The following SLC30A6 variants were observed in gnomAD, a reference collection of about 807,000 sequenced individuals.
The protein encoded by SLC30A6 is zinc transporter 6.
SLC30A6 carries 55 observed loss-of-function variants against 63.0 expected under a neutral mutation model. That is an observed-to-expected ratio of 0.87 (90% CI 0.70 to 1.09). The LOEUF is 1.09. SLC30A6 is among the 50% of genes least tolerant of loss of function. The pLI is 0.00. For synonymous variants in SLC30A6, 224 were observed against 186.1 expected, an observed-to-expected ratio of 1.20 and a Z score of -1.66; for missense variants, 587 against 549.2, an observed-to-expected ratio of 1.07 and a Z score of -0.69.
At chr2:32,194,462 C>T (rs1166657301) in intron 8 of SLC30A6, among the ~76,000 whole-genome samples, 1 of 152,090 alleles carries the variant, frequency 6.6e-6, no homozygotes, top group Non-Finnish European at 1.5e-5. Context: ...TGGAAATATT[C>T]TTTTATTTTG....
chr2:32,207,742 C>T (rs2148890675), intron 12 of SLC30A6, among the ~76,000 whole-genome samples: 1 of 146,650 alleles, frequency 6.8e-6, no homozygotes, highest in African/African-American at 2.5e-5. Flanking sequence ...GCTCTGTCGC[C>T]CAGGCTGGAG....
chr2:32,187,071 T>G (rs576391630), intron 5 of SLC30A6: 2 of 400,964 alleles, frequency 5.0e-6, no homozygotes, highest in Non-Finnish European at 1.0e-5. Context: ...TTACAATTTA[T>G]GTAACCAAAC....
chr2:32,220,475 C>T lies in SLC30A6; in HGVS notation c.1148C>T (p.Pro383Leu). 6.2e-7 allele frequency: 1 copy of T among 1,614,162 alleles called. No homozygotes were observed. The highest frequency in any genetic ancestry group is 1.1e-5 in the South Asian group (1 of 91,080). The change falls in exon 14 of 14, where the codon CCA becomes CTA. Residue 383 changes from proline to leucine, a missense_variant. Transcript: ENST00000282587. Reference protein sequence around the residue: ...VTSTPAKPSSPPPEFSFNTPG... With the variant: ...VTSTPAKPSSLPPEFSFNTPG... ...TCAACTCCAGCTAAACCTAGTAGTC[C>T]ACCTCCAGAATTTTCATTTAACACT...
Position 32,183,439 on chromosome 2 carries a change from G to C in SLC30A6, c.219-834G>C, listed in dbSNP as rs1004285961. On this transcript the variant is annotated intron_variant, in intron 4 of 13. Transcript: ENST00000282587. ...CTCACGCCTGTAATCCCAGCACTTT[G>C]GGGTGGCCAAGGCAGGTGGATCACT... is the stretch of plus-strand genomic sequence containing the variant. Among the ~76,000 whole-genome samples, 58 of 151,894 alleles carry C rather than the reference G, an allele frequency of 3.8e-4. 1 individual carries two copies.
intron 13 of SLC30A6, among the ~76,000 whole-genome samples, chr2:32,211,282 G>A (rs973208130): frequency 4.6e-5 from 7 of 152,260 alleles, no homozygotes; most frequent in South Asian, 2.1e-4. Context: ...CTTTAGAAGG[G>A]GCCGTTGGGA....
At chr2:32,169,289 G>A (rs1284161780) in intron 1 of SLC30A6, among the ~76,000 whole-genome samples, 1 of 152,070 alleles carries the variant, frequency 6.6e-6, no homozygotes, top group African/African-American at 2.4e-5. Flanking sequence ...CCACCTTGGT[G>A]TCCTGAGTAG....
intron 4 of SLC30A6, among the ~76,000 whole-genome samples, chr2:32,182,913 G>A (rs1258241601): frequency 1.3e-5 from 2 of 152,148 alleles, no homozygotes; most frequent in Non-Finnish European, 2.9e-5. Context: ...TCTCAGCCAG[G>A]CACGGTGCCT....
chr2:32,175,222 G>A (rs1293274468), intron 3 of SLC30A6, 97 bp from the exon 4 acceptor site: 7 of 1,171,482 alleles, frequency 6.0e-6, no homozygotes, highest in Non-Finnish European at 7.4e-6. Context: ...AAGTTTTTTT[G>A]ATAATGGATA....
At chr2:32,213,991 C>A (rs1448200207) in intron 13 of SLC30A6, among the ~76,000 whole-genome samples, 3 of 151,604 alleles carry the variant, frequency 2.0e-5, no homozygotes, top group African/African-American at 7.3e-5. Context: ...AGATTCATCT[C>A]ACAGAGTTAA....
chr2:32,179,686 A>C (rs1425780898), intron 4 of SLC30A6, among the ~76,000 whole-genome samples: 1 of 152,188 alleles, frequency 6.6e-6, no homozygotes, highest in Non-Finnish European at 1.5e-5. Context: ...AGCAAGATAC[A>C]CAACAGTGTA....
At chr2:32,182,862 G>C (rs991611128) in intron 4 of SLC30A6, among the ~76,000 whole-genome samples, 7 of 152,112 alleles carry the variant, frequency 4.6e-5, no homozygotes, top group African/African-American at 9.7e-5. Context: ...GGATGAGTCA[G>C]CTGTGGCCAG....
chr2:32,192,375 A>G lies in SLC30A6; in HGVS notation c.324A>G (p.Thr108=). 1.2e-6 allele frequency: 2 copies of G among 1,614,054 alleles called. No individual in the cohort carries two copies. The highest frequency in any genetic ancestry group is 1.1e-5 in the South Asian group (1 of 91,078). Residue 108 remains threonine (T), a synonymous_variant, in exon 6 of 14, where the codon ACA becomes ACG. Transcript: ENST00000282587. ...AAGTCCTGGCTGTATTTGCCTCCAC[A>G]GTCTTGGCACAGTTGGGAGCTCTCT... The part of the protein sequence containing the change: ...RLEVLAVFAS[T]VLAQLGALFI...
At chr2:32,192,506 T>A (rs554653039) in intron 6 of SLC30A6, 90 bp downstream of exon 6, 2 of 1,113,182 alleles carry the variant, frequency 1.8e-6, no homozygotes, top group African/African-American at 1.6e-5. Flanking sequence ...CTTTCAAGGG[T>A]ATGAAAACTT....
chr2:32,169,791 CTG>C (rs545671974), intron 1 of SLC30A6, among the ~76,000 whole-genome samples: 91 of 152,288 alleles, frequency 6.0e-4, no homozygotes, highest in African/African-American at 2.0e-3. Context: ...ATGGATGTGA[CTG>C]TGTATAGGGA....
chr2:32,200,867 C>T (rs1209080198), intron 10 of SLC30A6, among the ~76,000 whole-genome samples: 1 of 152,140 alleles, frequency 6.6e-6, no homozygotes, highest in Admixed American at 6.5e-5. Flanking sequence ...TAAAACCCTC[C>T]CCTTTGCATA....
intron 4 of SLC30A6, chr2:32,177,403 G>T: frequency 5.5e-6 from 1 of 180,276 alleles, no homozygotes; most frequent in Non-Finnish European, 1.2e-5. Flanking sequence ...TGATTCTTTT[G>T]CCTCAGCCTC....
At chr2:32,165,926 G>A (rs778505416) in intron 1 of SLC30A6, 23 bp downstream of exon 1, 5 of 1,614,124 alleles carry the variant, frequency 3.1e-6, no homozygotes, top group Non-Finnish European at 4.2e-6. Context: ...TTGGGGTGAG[G>A]GTTTCGGCTG....
At chr2:32,204,537 A>T in intron 10 of SLC30A6, 53 bp from the exon 11 acceptor site, 1 of 1,204,124 alleles carries the variant, frequency 8.3e-7, no homozygotes. Context: ...ATTTAATTGT[A>T]ATATGCCCAG....
At chr2:32,219,378 TTCTCTCCCTCTCTTC>T (rs1685971186) in intron 13 of SLC30A6, among the ~76,000 whole-genome samples, 1 of 151,716 alleles carries the variant, frequency 6.6e-6, no homozygotes, top group South Asian at 2.1e-4. Flanking sequence ...CCTCTCTTCC[TTCTCTCCCTCTCTTC>T]TCTCTCCCTC....
Sources: allele counts gnomAD v4.1 joint callset (sites outside exome capture counted in the v4.1 genomes callset), GRCh38; gene constraint gnomAD v4.1.1; transcripts MANE v1.5; gene names NCBI Gene and HGNC (gene_info 2026-07-23, HGNC 2026-07-21).